TANC2: variants seen among roughly 807,000 people sequenced by gnomAD.
TANC2 encodes the protein protein TANC2.
TANC2 carries 26 observed loss-of-function variants against 210.5 expected under a neutral mutation model. That is an observed-to-expected ratio of 0.12 (90% CI 0.09 to 0.17). The LOEUF (loss-of-function observed/expected upper bound fraction) is 0.17. Ranked by LOEUF, TANC2 falls within the 10% of genes least tolerant of loss-of-function variation. TANC2 has a pLI of 1.00. For synonymous variants in TANC2, 931 were observed against 967.1 expected, an observed-to-expected ratio of 0.96 and a Z score of 0.69; for missense variants, 2,129 against 2,608.9, an observed-to-expected ratio of 0.82 and a Z score of 4.01.
At chr17:63,265,415 CTGTT>C (rs1342568035) in intron 8 of TANC2, among the ~76,000 whole-genome samples, 1 of 152,132 alleles carries the variant, frequency 6.6e-6, no homozygotes, top group African/African-American at 2.4e-5. Context: ...GGTATGGCCT[CTGTT>C]TGGGATTAAT....
chr17:63,326,206 A>G (rs549780163), intron 11 of TANC2, among the ~76,000 whole-genome samples: 2 of 152,230 alleles, frequency 1.3e-5, no homozygotes, highest in African/African-American at 2.4e-5. Flanking sequence ...GGAATAGAAT[A>G]AAAAGTTCAG....
intron 19 of TANC2, among the ~76,000 whole-genome samples, chr17:63,404,751 ACT>A (rs1599048957): frequency 6.6e-6 from 1 of 151,874 alleles, no homozygotes; most frequent in East Asian, 1.9e-4. Context: ...CTCTGCAAAG[ACT>A]CTTGTCTTTA....
intron 8 of TANC2, among the ~76,000 whole-genome samples, 182 bp downstream of exon 8, chr17:63,238,259 A>AG (rs2042677395): frequency 6.6e-6 from 1 of 152,128 alleles, no homozygotes; most frequent in African/African-American, 2.4e-5. Flanking sequence ...ATCTGGGAGA[A>AG]GGTTCATCTT....
At chr17:63,403,762 A>G (rs2048413521) in intron 19 of TANC2, among the ~76,000 whole-genome samples, 1 of 152,236 alleles carries the variant, frequency 6.6e-6, no homozygotes, top group African/African-American at 2.4e-5. Context: ...ATCTTCTAAA[A>G]TTACCACATT....
intron 4 of TANC2, among the ~76,000 whole-genome samples, chr17:63,111,805 A>C (rs2038058232): frequency 6.6e-6 from 1 of 152,148 alleles, no homozygotes; most frequent in South Asian, 2.1e-4. Context: ...AGCTCACTGC[A>C]ACCTCCGCCT....
At chr17:63,295,316 T>C (rs927530282) in intron 9 of TANC2, among the ~76,000 whole-genome samples, 1 of 152,198 alleles carries the variant, frequency 6.6e-6, no homozygotes, top group East Asian at 1.9e-4. Flanking sequence ...CTTTTTAAAA[T>C]GTCAAAGCTT....
chr17:63,243,414 A>C (rs2042830231), intron 8 of TANC2, among the ~76,000 whole-genome samples: 1 of 152,238 alleles, frequency 6.6e-6, no homozygotes, highest in Non-Finnish European at 1.5e-5. Context: ...GATAAAATAA[A>C]GTTTTATCAG....
intron 5 of TANC2, among the ~76,000 whole-genome samples, chr17:63,178,137 G>A (rs1016179621): frequency 2.6e-5 from 4 of 152,126 alleles, no homozygotes; most frequent in East Asian, 1.9e-4. Context: ...CGAGACCATC[G>A]TGGCTAACAC....
chr17:63,308,755 T>G (rs1415538427), intron 9 of TANC2, among the ~76,000 whole-genome samples: 1 of 152,174 alleles, frequency 6.6e-6, no homozygotes, highest in African/African-American at 2.4e-5. Flanking sequence ...AGTAGTTATA[T>G]TCACCCATGC....
intron 1 of TANC2, among the ~76,000 whole-genome samples, chr17:62,968,313 T>C (rs2031481078): frequency 6.6e-6 from 1 of 152,254 alleles, no homozygotes; most frequent in African/African-American, 2.4e-5. Flanking sequence ...TGTAAAGAAA[T>C]TAAATTACAT....
chr17:63,250,107 G>T (rs776736718), intron 8 of TANC2, among the ~76,000 whole-genome samples: 20 of 151,730 alleles, frequency 1.3e-4, no homozygotes, highest in Non-Finnish European at 2.5e-4. Context: ...TCTTTTCCCT[G>T]TTCCTTCTCA....
chr17:62,973,334 A>G (rs1235698180), intron 1 of TANC2, among the ~76,000 whole-genome samples: 3 of 152,206 alleles, frequency 2.0e-5, no homozygotes, highest in Admixed American at 2.0e-4. Flanking sequence ...ACCCGGCCGT[A>G]ACATATTTTA....
intron 9 of TANC2, among the ~76,000 whole-genome samples, chr17:63,284,944 C>A (rs1354189380): frequency 2.6e-5 from 4 of 151,908 alleles, no homozygotes; most frequent in African/African-American, 4.8e-5. Context: ...GTTATGTATT[C>A]TTGATGCACT....
chr17:63,333,343 A>G (rs1308701280), intron 11 of TANC2, among the ~76,000 whole-genome samples: 2 of 152,202 alleles, frequency 1.3e-5, no homozygotes, highest in African/African-American at 4.8e-5. Context: ...ACCATAATGG[A>G]TGACCTTGAG....
chr17:63,189,387 G>A (rs2041110663), intron 5 of TANC2, among the ~76,000 whole-genome samples: 1 of 152,090 alleles, frequency 6.6e-6, no homozygotes, highest in African/African-American at 2.4e-5. Context: ...TACCATTATT[G>A]TATGAAGGTT....
intron 1 of TANC2, among the ~76,000 whole-genome samples, chr17:62,998,698 A>G (rs1343342743): frequency 7.2e-5 from 11 of 152,362 alleles, no homozygotes; most frequent in South Asian, 4.1e-4. Context: ...CAGATAAGCA[A>G]TTGCCAAGGG....
intron 4 of TANC2, among the ~76,000 whole-genome samples, chr17:63,108,965 C>G (rs1341389725): frequency 2.0e-5 from 3 of 151,066 alleles, no homozygotes; most frequent in Admixed American, 2.0e-4. Flanking sequence ...TTTTCTACTT[C>G]TAAAATTTTA....
At chr17:63,261,155 T>C (rs967720055) in intron 8 of TANC2, among the ~76,000 whole-genome samples, 1 of 151,614 alleles carries the variant, frequency 6.6e-6, no homozygotes. Context: ...GAGGCAGGAG[T>C]ATGGCTTGAG....
intron 3 of TANC2, among the ~76,000 whole-genome samples, chr17:63,084,790 A>C (rs1331183899): frequency 6.6e-6 from 1 of 152,022 alleles, no homozygotes; most frequent in Non-Finnish European, 1.5e-5. Flanking sequence ...TTTTTCAGCT[A>C]TCTTTCTGTT....
Sources: gnomAD v4.1 joint callset for allele counts (sites outside exome capture counted in the v4.1 genomes callset) on GRCh38, gnomAD v4.1.1 for gene constraint, MANE v1.5 for transcripts, NCBI Gene and HGNC (gene_info 2026-07-23, HGNC 2026-07-21) for gene names.